MAPK10: variants seen among roughly 807,000 people sequenced by gnomAD.
The protein encoded by MAPK10 is mitogen-activated protein kinase 10, also known as JNK3 alpha protein kinase.
Under a neutral mutation model 59.3 loss-of-function variants are expected in MAPK10, and 25 were observed. That is an observed-to-expected ratio of 0.42 (90% CI 0.31 to 0.59). MAPK10 has a LOEUF of 0.59. Among genes scored for constraint, MAPK10 ranks in the 20% least tolerant of loss-of-function variants. The pLI, the probability that MAPK10 is intolerant of heterozygous loss-of-function variation, is 0.15. For missense variants in MAPK10, 351 were observed against 568.9 expected, an observed-to-expected ratio of 0.62 and a Z score of 3.90; for synonymous variants, 190 against 200.5, an observed-to-expected ratio of 0.95 and a Z score of 0.44.
At position 86,023,812 on chromosome 4, in the gene MAPK10, AATATATATATATATATAT is replaced by A. The variant is rs368982706; in HGVS notation, c.1252+5367_1252+5384del. On this transcript the variant is annotated intron_variant, in intron 13 of 13. Coordinates refer to ENST00000641462, the MANE Select transcript of MAPK10 (RefSeq NM_138982.4). ...TTGGATGTTAAAAACAGATCAAATG[AATATATATATATATATAT>A]ATATATATATATATATATATAAAAT... The A allele has an allele frequency of 2.3e-3, 234 of 100,430 alleles. 5 individuals carry two copies. Among genetic ancestry groups the A allele is most frequent in the African/African-American group, 8.7e-3 (212 of 24,364 alleles). 6.2% of individuals were successfully genotyped at this position (100,430 alleles called of 1,614,324 possible).
intron 4 of MAPK10, among the ~76,000 whole-genome samples, chr4:86,150,817 G>A (rs150364106): frequency 2.0e-5 from 3 of 152,218 alleles, no homozygotes; most frequent in East Asian, 1.9e-4. Context: ...AGCCAAGATC[G>A]CACTACTGCA....
intron 1 of MAPK10, among the ~76,000 whole-genome samples, chr4:86,584,122 A>G (rs1042493388): frequency 2.6e-5 from 4 of 152,188 alleles, no homozygotes; most frequent in Admixed American, 1.3e-4. Context: ...TTTGTGATAT[A>G]GTGAACCCAA....
chr4:86,100,920 A>G (rs1446490247), intron 8 of MAPK10, 132 bp downstream of exon 8: 3 of 704,774 alleles, frequency 4.3e-6, no homozygotes, highest in Non-Finnish European at 6.8e-6. Flanking sequence ...ATTAAAAAAA[A>G]CCCTGAATAT....
upstream of MAPK10, among the ~76,000 whole-genome samples, chr4:86,362,454 C>T (rs985419740): frequency 1.3e-5 from 2 of 150,694 alleles, no homozygotes; most frequent in African/African-American, 4.9e-5. Flanking sequence ...TAAAAGCTTC[C>T]ACTTATCCTA....
chr4:86,563,149 G>A (rs1209927315), intron 1 of MAPK10, among the ~76,000 whole-genome samples: 1 of 152,212 alleles, frequency 6.6e-6, no homozygotes, highest in African/African-American at 2.4e-5. Context: ...GAAAAAGCAA[G>A]TGTGCATGAG....
At chr4:86,135,391 C>T (rs1281919043) in intron 4 of MAPK10, among the ~76,000 whole-genome samples, 1 of 152,192 alleles carries the variant, frequency 6.6e-6, no homozygotes, top group Admixed American at 6.5e-5. Flanking sequence ...GACCCCCGAG[C>T]AGCCTAACTG....
At chr4:86,506,183 G>A (rs1162277391) in intron 1 of MAPK10, among the ~76,000 whole-genome samples, 1 of 152,082 alleles carries the variant, frequency 6.6e-6, no homozygotes, top group Non-Finnish European at 1.5e-5. Flanking sequence ...TGAAAATCCA[G>A]GAAGGGAAAA....
upstream of MAPK10, chr4:86,453,398 CT>C (rs1182326216): frequency 6.6e-6 from 1 of 152,370 alleles, no homozygotes; most frequent in African/African-American, 2.4e-5. Flanking sequence ...AGCCTTGGTG[CT>C]GCTGCTGGGG....
In MAPK10 at chr4:86,356,885, C is replaced by T. The variant is rs142147582; in HGVS notation, c.-121-2241G>A. 4.4e-4 allele frequency: 67 copies of T among 152,274 alleles called. 1 individual carries two copies. Among genetic ancestry groups the T allele is most frequent in the African/African-American group, 1.4e-3 (57 of 41,546 alleles). 9.4% of individuals were successfully genotyped at this position (152,274 alleles called of 1,614,324 possible). On this transcript the variant is annotated intron_variant, in intron 1 of 13. Transcript: ENST00000641462. ...ATAGGCCCAACTTTTTCCACAAGTC[C>T]TTGGTCCTCAGAAGAAGGTGCAATA...
intron 1 of MAPK10, among the ~76,000 whole-genome samples, chr4:86,417,071 C>T (rs527565221): frequency 1.3e-5 from 2 of 152,288 alleles, no homozygotes; most frequent in East Asian, 1.9e-4. Context: ...TACATAAATA[C>T]ATCAAAATTT....
At chr4:86,588,644 G>A (rs1316476252) in intron 1 of MAPK10, among the ~76,000 whole-genome samples, 1 of 152,118 alleles carries the variant, frequency 6.6e-6, no homozygotes, top group African/African-American at 2.4e-5. Flanking sequence ...ATAAATATAT[G>A]TAGGATAAAT....
chr4:86,203,910 C>T (rs2083219775), intron 2 of MAPK10, among the ~76,000 whole-genome samples: 1 of 151,764 alleles, frequency 6.6e-6, no homozygotes, highest in Non-Finnish European at 1.5e-5. Flanking sequence ...CTCACTTTAA[C>T]ATACTGTCAA....
In MAPK10 at chr4:86,012,836, A is replaced by C. The variant is rs968685430; in HGVS notation, c.*4392T>G. 3 of 152,208 alleles carry C rather than the reference A, an allele frequency of 2.0e-5. No homozygotes were observed. Among genetic ancestry groups the C allele is most frequent in the Non-Finnish European group, 2.9e-5 (2 of 68,034 alleles). The allele number at this position is 152,208 out of a possible 1,614,324, so 9.4% of individuals were successfully genotyped here. On this transcript the variant is annotated 3_prime_UTR_variant, in exon 14 of 14. Coordinates refer to ENST00000641462, the MANE Select transcript of MAPK10 (RefSeq NM_138982.4). Reference sequence around the variant, plus strand: ...GGTTGATCTAGAACTGTAAGGGTGCATGTGAATGTGGGTATGCATGTGTGT... The same window carrying C: ...GGTTGATCTAGAACTGTAAGGGTGCCTGTGAATGTGGGTATGCATGTGTGT...
chr4:86,291,116 G>C (rs192492396), intron 2 of MAPK10, among the ~76,000 whole-genome samples: 4 of 152,176 alleles, frequency 2.6e-5, no homozygotes, highest in African/African-American at 9.6e-5. Flanking sequence ...CAGACAGCGG[G>C]AGAACTGGGT....
chr4:86,459,601 A>T (rs1253201681), intron 1 of MAPK10, among the ~76,000 whole-genome samples: 1 of 152,238 alleles, frequency 6.6e-6, no homozygotes, highest in Non-Finnish European at 1.5e-5. Context: ...GGAATGAATT[A>T]ATGGCATTCG....
chr4:86,301,592 G>A (rs976891998), intron 2 of MAPK10, among the ~76,000 whole-genome samples: 9 of 151,962 alleles, frequency 5.9e-5, no homozygotes, highest in Admixed American at 3.9e-4. Context: ...GAAATTTGAC[G>A]GGCTTAAATA....
At chr4:86,060,039 C>T (rs1319864502) in intron 11 of MAPK10, among the ~76,000 whole-genome samples, 1 of 152,188 alleles carries the variant, frequency 6.6e-6, no homozygotes, top group Non-Finnish European at 1.5e-5. Flanking sequence ...TGTCTCTGGG[C>T]ATCTCTGAAA....
chr4:86,078,716 A>G (rs922284391), intron 9 of MAPK10, among the ~76,000 whole-genome samples: 1 of 152,060 alleles, frequency 6.6e-6, no homozygotes, highest in Non-Finnish European at 1.5e-5. Flanking sequence ...GGGGCCAGGG[A>G]CAGAGGCTCA....
chr4:86,016,848 G>A lies in MAPK10; in HGVS notation c.*380C>T, dbSNP rs1441393019. ...AGATGCAAGATAGAGACACACACATGCTGGATGGGGCCACTGCACACCTTG... is the reference window on the plus strand; with the variant it reads ...AGATGCAAGATAGAGACACACACATACTGGATGGGGCCACTGCACACCTTG... On this transcript the variant is annotated 3_prime_UTR_variant, in exon 14 of 14. Transcript: ENST00000641462. 1 of 207,632 alleles carries A rather than the reference G, an allele frequency of 4.8e-6. No individual in the cohort carries two copies. The highest frequency in any genetic ancestry group is 1.3e-4 in the East Asian group (1 of 7,742). The allele number at this position is 207,632 out of a possible 1,614,324, so 12.9% of individuals were successfully genotyped here.
Sources: allele counts gnomAD v4.1 joint callset (sites outside exome capture counted in the v4.1 genomes callset), GRCh38; gene constraint gnomAD v4.1.1; transcripts MANE v1.5; gene names NCBI Gene and HGNC (gene_info 2026-07-23, HGNC 2026-07-21).